PRSS12: variants seen among roughly 807,000 people sequenced by gnomAD.
PRSS12 encodes neurotrypsin.
A neutral mutation model predicts 104.4 loss-of-function variants in PRSS12; 85 were observed. That is an observed-to-expected ratio of 0.81 (90% CI 0.68 to 0.98). PRSS12 has a LOEUF of 0.98. Among genes scored for constraint, PRSS12 ranks in the 50% least tolerant of loss-of-function variants. PRSS12 has a pLI of 0.00. For missense variants in PRSS12, 1,141 were observed against 1,139.2 expected, an observed-to-expected ratio of 1.00 and a Z score of -0.02; for synonymous variants, 454 against 425.2, an observed-to-expected ratio of 1.07 and a Z score of -0.83.
rs372492025 is a variant in PRSS12, at chr4:118,282,832, T to C, written c.2319A>G (p.Thr773=). The C allele has an allele frequency of 1.4e-5, 22 of 1,614,056 alleles. No individual in the cohort carries two copies. Among genetic ancestry groups the C allele is most frequent in the Middle Eastern group, 3.3e-4 (2 of 6,058 alleles). The change falls in exon 12 of 13, where the codon ACA becomes ACG. Residue 773 remains threonine (T), a splice_region_variant and synonymous_variant. Transcript: ENST00000296498. ...SNCYITGWGD[T]GRAYSRTLQQ... is the part of the protein sequence containing the mutation. ...CTGCTTTTTTTGATTATGCCTTACC[T>C]GTGTCACCCCATCCTGTTATGTAAC... is the stretch of plus-strand genomic sequence containing the variant.
At position 118,298,761 on chromosome 4, in the gene PRSS12, G is replaced by A. The variant is rs900689449; in HGVS notation, c.1809C>T (p.Gly603=). 3 of 1,614,030 alleles carry A rather than the reference G, an allele frequency of 1.9e-6. No individual in the cohort carries two copies. Among genetic ancestry groups the A allele is most frequent in the Admixed American group, 1.7e-5 (1 of 59,998 alleles). ...EDAGVICDYF[G]KKASGNSNKE... is the part of the protein sequence containing the mutation. ...TATTACTGTTACCTGAGGCCTTCTT[G>A]CCAAAATAATCACAAATAACTCCTG... Residue 603 remains glycine (G), a synonymous_variant, in exon 9 of 13, where the codon GGC becomes GGT. Coordinates refer to ENST00000296498, the MANE Select transcript of PRSS12 (RefSeq NM_003619.4).
At chr4:118,299,473 G>C (rs1440925205) in intron 8 of PRSS12, among the ~76,000 whole-genome samples, 1 of 151,978 alleles carries the variant, frequency 6.6e-6, no homozygotes, top group African/African-American at 2.4e-5. Flanking sequence ...CTGAGGTCAG[G>C]AGTTCAAGAC....
At chr4:118,288,350 GGCTATGTTCCTAAGA>G (rs1032103045) in intron 11 of PRSS12, among the ~76,000 whole-genome samples, 1 of 152,136 alleles carries the variant, frequency 6.6e-6, no homozygotes, top group Non-Finnish European at 1.5e-5. Context: ...TATTACCAAA[GGCTATGTTCCTAAGA>G]GCTCTGCTCT....
intron 11 of PRSS12, among the ~76,000 whole-genome samples, chr4:118,287,147 C>T (rs7664110): frequency 0.53 from 80,747 of 151,656 alleles, 21,771 homozygotes; most frequent in East Asian, 0.66. Context: ...ACACACACAT[C>T]TTTTTTTTCT....
At chr4:118,340,756 C>T (rs577845740) in intron 1 of PRSS12, among the ~76,000 whole-genome samples, 1 of 152,262 alleles carries the variant, frequency 6.6e-6, no homozygotes, top group East Asian at 1.9e-4. Context: ...ACGTGGGAGC[C>T]TTTAGAATGA....
At chr4:118,342,290 C>T (rs1466530269) in intron 1 of PRSS12, among the ~76,000 whole-genome samples, 3 of 152,146 alleles carry the variant, frequency 2.0e-5, no homozygotes, top group Admixed American at 6.5e-5. Flanking sequence ...AAATTGTAGA[C>T]GAAATTCTTT....
chr4:118,311,308 C>T (rs1036856209), intron 7 of PRSS12, among the ~76,000 whole-genome samples: 1 of 151,938 alleles, frequency 6.6e-6, no homozygotes, highest in African/African-American at 2.4e-5. Flanking sequence ...TACCACAGAC[C>T]CAAAAGAGTG....
At chr4:118,289,023 C>G (rs1743075442) in intron 11 of PRSS12, among the ~76,000 whole-genome samples, 1 of 152,124 alleles carries the variant, frequency 6.6e-6, no homozygotes, top group African/African-American at 2.4e-5. Context: ...GAAAACTTTG[C>G]CAGCCTTCAC....
chr4:118,352,297 C>T lies in PRSS12; in HGVS notation c.424G>A (p.Asp142Asn). The change falls in exon 1 of 13, where the codon GAC becomes AAC. Residue 142 changes from aspartate (D) to asparagine (N), a missense_variant. Asp to Asn is a conservative substitution (Grantham distance 23). Transcript: ENST00000296498. ...GQRHNFCRSP[D>N]GAGRPWCFYG... ...AAACACCAGGGTCTGCCCGCGCCGTCGGGGCTCCGACAAAAGTTGTGGCGC... is the reference window on the plus strand; with the variant it reads ...AAACACCAGGGTCTGCCCGCGCCGTTGGGGCTCCGACAAAAGTTGTGGCGC... 1 of 1,603,792 alleles carries T rather than the reference C, an allele frequency of 6.2e-7. No homozygotes were observed. Among genetic ancestry groups the T allele is most frequent in the Non-Finnish European group, 8.5e-7 (1 of 1,177,104 alleles).
In PRSS12 at chr4:118,326,755, C is replaced by A. The variant is rs150202232; in HGVS notation, c.971+4961G>T. 2.8e-3 allele frequency among the ~76,000 whole-genome samples: 419 copies of A among 152,276 alleles called. 2 individuals carry two copies. Among genetic ancestry groups the A allele is most frequent in the African/African-American group, 9.5e-3 (393 of 41,572 alleles). On this transcript the variant is annotated intron_variant, in intron 4 of 12. Transcript: ENST00000296498. ...AGCCATAAACCTCAAGACTCTGCCT[C>A]CCACTAACAGACTTGGGGAATATTG... is the stretch of plus-strand genomic sequence containing the variant.
At chr4:118,282,391 A>G in intron 12 of PRSS12, 148 bp from the exon 13 acceptor site, 1 of 1,030,774 alleles carries the variant, frequency 9.7e-7, no homozygotes. Context: ...GGTATGTACT[A>G]TTGTTAGCTG....
chr4:118,325,055 A>G (rs1723735016), intron 4 of PRSS12, among the ~76,000 whole-genome samples: 1 of 152,096 alleles, frequency 6.6e-6, no homozygotes, highest in Non-Finnish European at 1.5e-5. Context: ...ACACATGCCA[A>G]TATCTCTTTA....
Position 118,352,544 on chromosome 4 carries a change from C to T in PRSS12, c.177G>A (p.Pro59=), listed in dbSNP as rs746966869. ...GGCGCGGGAAGCGCGGGAGAGGCGG[C>T]GGCGGACGCGTCCTCGGGGGCCGCT... ...TQQRPPRTRP[P]PPLPRFPRPP... The change falls in exon 1 of 13, where the codon CCG becomes CCA. Residue 59 remains proline (P), a synonymous_variant. Transcript: ENST00000296498. The T allele has an allele frequency of 3.7e-5, 56 of 1,508,128 alleles. No individual in the cohort carries two copies. The Middle Eastern group carries it at 1.9e-3, about 52-fold the overall frequency. 93.4% of individuals were successfully genotyped at this position (1,508,128 alleles called of 1,614,324 possible).
chr4:118,306,611 G>A (rs1050985485), intron 8 of PRSS12, among the ~76,000 whole-genome samples: 14 of 152,040 alleles, frequency 9.2e-5, no homozygotes, highest in Non-Finnish European at 1.2e-4. Context: ...TATCAGCAAG[G>A]GATGGCCTAA....
intron 8 of PRSS12, chr4:118,303,678 A>G (rs542735227): frequency 1.3e-5 from 2 of 152,248 alleles, no homozygotes; most frequent in African/African-American, 4.8e-5. Context: ...GGTAGATAAT[A>G]ACTTTCCAAG....
At chr4:118,296,047 A>T (rs975390430) in intron 9 of PRSS12, among the ~76,000 whole-genome samples, 191 bp from the exon 10 acceptor site, 4 of 152,220 alleles carry the variant, frequency 2.6e-5, no homozygotes, top group Non-Finnish European at 5.9e-5. Context: ...TAGACAAGAA[A>T]CATTATGAGG....
intron 4 of PRSS12, among the ~76,000 whole-genome samples, chr4:118,323,110 A>G (rs1004878125): frequency 2.0e-5 from 3 of 152,002 alleles, no homozygotes; most frequent in Admixed American, 1.3e-4. Flanking sequence ...CCTTTACAGA[A>G]AAAGTTTGCA....
At chr4:118,310,277 A>C (rs1187156553) in intron 7 of PRSS12, among the ~76,000 whole-genome samples, 1 of 152,122 alleles carries the variant, frequency 6.6e-6, no homozygotes, top group African/African-American at 2.4e-5. Flanking sequence ...TTAAGAAAAC[A>C]TTTGCACATG....
intron 11 of PRSS12, among the ~76,000 whole-genome samples, chr4:118,294,356 A>G (rs545111738): frequency 6.6e-6 from 1 of 152,312 alleles, no homozygotes; most frequent in Admixed American, 6.5e-5. Flanking sequence ...GAGAAAGTAG[A>G]GCCAGTTCTA....
Sources: gnomAD v4.1 joint callset for allele counts (sites outside exome capture counted in the v4.1 genomes callset) on GRCh38, gnomAD v4.1.1 for gene constraint, MANE v1.5 for transcripts, NCBI Gene and HGNC (gene_info 2026-07-23, HGNC 2026-07-21) for gene names.